Variants in CCDC149 observed in about 807,000 individuals in gnomAD.
The protein encoded by CCDC149 is coiled-coil domain containing 149.
Under a neutral mutation model 59.9 loss-of-function variants are expected in CCDC149, and 45 were observed. The ratio of observed to expected loss-of-function variants is 0.75; its 90% CI spans 0.59 to 0.96. CCDC149 has a LOEUF of 0.96. Ranked by LOEUF, CCDC149 falls within the 40% of genes least tolerant of loss-of-function variation. The pLI is 0.00. For missense variants in CCDC149, 584 were observed against 664.7 expected, an observed-to-expected ratio of 0.88 and a Z score of 1.33; for synonymous variants, 245 against 260.6, an observed-to-expected ratio of 0.94 and a Z score of 0.58.
downstream of CCDC149, among the ~76,000 whole-genome samples, chr4:24,804,132 G>A (rs938808823): frequency 2.0e-5 from 3 of 152,166 alleles, no homozygotes; most frequent in African/African-American, 7.2e-5. Context: ...TGCTAAGGAG[G>A]AGGAGTGTTT....
chr4:24,920,382 G>A (rs532931290), intron 1 of CCDC149, among the ~76,000 whole-genome samples: 1 of 152,330 alleles, frequency 6.6e-6, no homozygotes, highest in East Asian at 1.9e-4. Flanking sequence ...TTCATGCTGG[G>A]CTCCCTACAA....
chr4:24,889,521 A>C (rs946155601), intron 1 of CCDC149, among the ~76,000 whole-genome samples: 2 of 152,188 alleles, frequency 1.3e-5, no homozygotes, highest in Non-Finnish European at 2.9e-5. Context: ...TTACGCATGC[A>C]TCTGAAACCC....
At chr4:24,971,759 T>C (rs1231705348) in intron 1 of CCDC149, among the ~76,000 whole-genome samples, 1 of 152,214 alleles carries the variant, frequency 6.6e-6, no homozygotes, top group Admixed American at 6.5e-5. Context: ...ATATGCCTCA[T>C]TATACCATCC....
chr4:24,898,315 C>A (rs1720964375), intron 1 of CCDC149, among the ~76,000 whole-genome samples: 1 of 152,120 alleles, frequency 6.6e-6, no homozygotes. Context: ...CCTCACTGTA[C>A]AAAGTCCAGA....
intron 1 of CCDC149, among the ~76,000 whole-genome samples, chr4:24,936,671 C>G (rs1722789517): frequency 6.6e-6 from 1 of 152,170 alleles, no homozygotes; most frequent in Non-Finnish European, 1.5e-5. Context: ...TCCTGTCTAT[C>G]TCTTTGTTCC....
intron 1 of CCDC149, among the ~76,000 whole-genome samples, chr4:24,947,811 A>C (rs921343774): frequency 6.8e-6 from 1 of 147,288 alleles, no homozygotes; most frequent in African/African-American, 2.6e-5. Context: ...ATTACAATGA[A>C]AAAAGAAGGA....
chr4:24,923,049 A>G (rs915728790), intron 1 of CCDC149, among the ~76,000 whole-genome samples: 2 of 152,086 alleles, frequency 1.3e-5, no homozygotes, highest in African/African-American at 2.4e-5. Context: ...CAATTTTTTA[A>G]AGAGAGAGAG....
At position 24,875,880 on chromosome 4, in the gene CCDC149, A is replaced by G. The variant is rs369350851; in HGVS notation, c.225+656T>C. Reference sequence around the variant, plus strand: ...TAAATTAACAAGTAAACAGTCACACATACAGTAGTCCCCACCTGTCCTCAG... The same window carrying G: ...TAAATTAACAAGTAAACAGTCACACGTACAGTAGTCCCCACCTGTCCTCAG... On this transcript the variant is annotated intron_variant, in intron 2 of 12. Transcript: ENST00000635206. Among the ~76,000 whole-genome samples the G allele has an allele frequency of 2.6e-5, 4 of 152,356 alleles. No individual in the cohort carries two copies. In the East Asian group the frequency reaches 5.8e-4, roughly 22 times the overall value.
chr4:24,975,216 C>G (rs1247472920), intron 1 of CCDC149, among the ~76,000 whole-genome samples: 1 of 151,210 alleles, frequency 6.6e-6, no homozygotes, highest in Non-Finnish European at 1.5e-5. Context: ...CTCAGGTATT[C>G]TATGATAACT....
rs566623313 is a variant in CCDC149 at position 24,808,308 on chromosome 4, C to T, written c.*81G>A. On this transcript the variant is annotated 3_prime_UTR_variant, in exon 13 of 13. Transcript: ENST00000635206. ...TCGGAGGTATTTCAGGAGAAGGCGA[C>T]GTGAGCGCACCATTCCGATGCTTCA... 4 of 1,290,048 alleles carry T rather than the reference C, an allele frequency of 3.1e-6. No homozygotes were observed. Among genetic ancestry groups the T allele is most frequent in the South Asian group, 2.2e-5 (1 of 44,862 alleles). 79.9% of individuals were successfully genotyped at this position (1,290,048 alleles called of 1,614,324 possible). A position where few individuals can be genotyped will look rare whatever the true frequency, so the allele number is the denominator to read the frequency against.
intron 1 of CCDC149, among the ~76,000 whole-genome samples, chr4:24,887,585 C>T (rs970458924): frequency 1.3e-5 from 2 of 152,112 alleles, no homozygotes; most frequent in South Asian, 2.1e-4. Context: ...TCCAGCAATA[C>T]CTCACTTCCC....
intron 3 of CCDC149, among the ~76,000 whole-genome samples, chr4:24,857,327 G>C (rs910382822): frequency 1.3e-5 from 2 of 152,128 alleles, no homozygotes; most frequent in African/African-American, 4.8e-5. Context: ...TGAGTTACTA[G>C]GCAAATAAAT....
intron 1 of CCDC149, among the ~76,000 whole-genome samples, chr4:24,880,301 G>A (rs559052876): frequency 2.6e-5 from 4 of 152,196 alleles, no homozygotes; most frequent in African/African-American, 4.8e-5. Context: ...TACCACATAC[G>A]CTAGGCATGC....
upstream of CCDC149, among the ~76,000 whole-genome samples, chr4:24,916,609 G>T (rs1289618011): frequency 6.6e-6 from 1 of 152,118 alleles, no homozygotes; most frequent in Non-Finnish European, 1.5e-5. Context: ...GGCTGTTGGA[G>T]TTCTCATTAA....
intron 1 of CCDC149, among the ~76,000 whole-genome samples, chr4:24,924,716 A>G (rs917876024): frequency 1.3e-5 from 2 of 152,214 alleles, no homozygotes; most frequent in African/African-American, 2.4e-5. Flanking sequence ...AGTGGAAACT[A>G]TACTGCCTTT....
intron 4 of CCDC149, among the ~76,000 whole-genome samples, chr4:24,842,134 C>T (rs540271584): frequency 8.5e-5 from 13 of 152,316 alleles, no homozygotes; most frequent in African/African-American, 2.9e-4. Flanking sequence ...CAAGTTTCTG[C>T]CTCTTACATG....
rs71187200 is a variant in CCDC149 at position 24,931,310 on chromosome 4, A to AATATATATATATATATATATATATATAT, written c.-64-36193_-64-36192insATATATATATATATATATATATATATAT. On this transcript the variant is annotated intron_variant, in intron 1 of 12. Transcript: ENST00000389609. The stretch of plus-strand genomic sequence containing the variant: ...ATTTATATATGTTTATTTATTTTAA[A>AATATATATATATATATATATATATATAT]ATATATATATATATATATATATCTC... 4.4e-3 allele frequency among the ~76,000 whole-genome samples: 612 copies of AATATATATATATATATATATATATATAT among 137,898 alleles called. 12 individuals carry two copies. The highest frequency in any genetic ancestry group is 0.016 in the African/African-American group (564 of 34,918). 90.5% of individuals were successfully genotyped at this position (137,898 alleles called of 152,430 possible). A position where few individuals can be genotyped will look rare whatever the true frequency, so the allele number is the denominator to read the frequency against.
intron 1 of CCDC149, among the ~76,000 whole-genome samples, chr4:24,921,940 T>C (rs1374379371): frequency 1.3e-5 from 2 of 152,190 alleles, no homozygotes; most frequent in Non-Finnish European, 2.9e-5. Context: ...CAGAACTTTA[T>C]TGTCTCAAAG....
At chr4:24,916,874 C>G (rs910848620), upstream of CCDC149, among the ~76,000 whole-genome samples, 8 of 150,888 alleles carry the variant, frequency 5.3e-5, no homozygotes, top group Admixed American at 4.6e-4. Context: ...GCCATTTTGA[C>G]AGGTCCTGCC....
Sources: gnomAD v4.1 joint callset for allele counts (sites outside exome capture counted in the v4.1 genomes callset) on GRCh38, gnomAD v4.1.1 for gene constraint, MANE v1.5 for transcripts, NCBI Gene and HGNC (gene_info 2026-07-23, HGNC 2026-07-21) for gene names.